Variants in APOOL observed in about 807,000 individuals in gnomAD.
APOOL encodes the protein apolipoprotein O like, also known as MICOS complex subunit MIC27.
In APOOL, 12 loss-of-function variants were observed where a neutral mutation model predicts 23.1. The ratio of observed to expected loss-of-function variants is 0.52; its 90% confidence interval spans 0.33 to 0.84. The LOEUF is 0.84. APOOL is among the 40% of genes least tolerant of loss of function. The pLI, the probability that APOOL is intolerant of heterozygous loss-of-function variation, is 0.02. For synonymous variants in APOOL, 77 were observed against 69.9 expected (o/e 1.10, Z -0.51); for missense variants, 212 against 199.6 (o/e 1.06, Z -0.37).
At chrX:85,058,683 C>A (rs1295203619) in intron 5 of APOOL, among the ~76,000 whole-genome samples, 1 of 111,289 alleles carries the variant, frequency 9.0e-6, no homozygotes, top group Non-Finnish European at 1.9e-5. Context: ...TAATTTACAT[C>A]CCCACCAACA....
intron 2 of APOOL, among the ~76,000 whole-genome samples, chrX:85,051,009 AATATTTCTT>A (rs1426221486): frequency 9.0e-6 from 1 of 111,107 alleles, no homozygotes; most frequent in Non-Finnish European, 1.9e-5. Flanking sequence ...CCTAATTTCT[AATATTTCTT>A]TGTACGAATA....
At chrX:85,037,838 C>T (rs1167094748) in intron 1 of APOOL, among the ~76,000 whole-genome samples, 3 of 111,371 alleles carry the variant, frequency 2.7e-5, no homozygotes, top group African/African-American at 9.8e-5. Flanking sequence ...CAAGATTGAT[C>T]AAAGCCTTAA....
chrX:85,028,204 G>A (rs190320165), intron 1 of APOOL, among the ~76,000 whole-genome samples: 13 of 111,208 alleles, frequency 1.2e-4, no homozygotes, highest in African/African-American at 3.9e-4. Flanking sequence ...GCAGGCATGT[G>A]TTCCTTCTGG....
Position 85,055,829 on chromosome X carries a change from G to C in APOOL, c.298G>C (p.Ala100Pro), listed in dbSNP as rs765119431. Reference sequence around the variant, plus strand: ...TAATTTTTAACTGATTTCTTGAGATGCTTATGTCTATCTGAAGAATCCTCC... The same window carrying C: ...TAATTTTTAACTGATTTCTTGAGATCCTTATGTCTATCTGAAGAATCCTCC... The part of the protein sequence containing the change: ...IMDTVQFGKD[A>P]YVYLKNPPRD... The change falls in exon 5 of 9, where the codon GCT (alanine) becomes CCT (proline). Residue 100 changes from alanine to proline, a missense_variant and splice_region_variant. Transcript: ENST00000373173. 1.2e-5 allele frequency: 14 copies of C among 1,181,224 alleles called. No homozygotes were observed. Among genetic ancestry groups the C allele is most frequent in the African/African-American group, 1.8e-5 (1 of 56,326 alleles).
At chrX:85,064,424 C>G (rs776829494) in intron 5 of APOOL, among the ~76,000 whole-genome samples, 1 of 103,156 alleles carries the variant, frequency 9.7e-6, no homozygotes, top group African/African-American at 3.6e-5. Flanking sequence ...TCTGCTAGGT[C>G]TGCGGTTTGT....
At chrX:85,078,131 T>C (rs1314932970) in intron 8 of APOOL, among the ~76,000 whole-genome samples, 15 of 112,118 alleles carry the variant, frequency 1.3e-4, no homozygotes, top group Non-Finnish European at 2.8e-4. Flanking sequence ...TTGTTGCCAT[T>C]GCTTTTGGTG....
chrX:85,091,266 A>G lies in APOOL; in HGVS notation c.*3588A>G, dbSNP rs966488142. 1 of 112,310 alleles carries G rather than the reference A, an allele frequency of 8.9e-6. No homozygotes were observed. The highest frequency in any genetic ancestry group is 1.9e-5 in the Non-Finnish European group (1 of 53,298). 9.3% of individuals were successfully genotyped at this position (112,310 alleles called of 1,213,427 possible). ...CTCAGTCTCAAAAAATAAATAATAA[A>G]AAATAAAGGTATATAATATGTCTTA... On this transcript the variant is annotated 3_prime_UTR_variant, in exon 9 of 9. Transcript: ENST00000373173.
intron 5 of APOOL, among the ~76,000 whole-genome samples, chrX:85,058,018 G>A (rs1323393361): frequency 9.0e-6 from 1 of 110,939 alleles, no homozygotes; most frequent in African/African-American, 3.3e-5. Flanking sequence ...TAACCTATTA[G>A]TAGGTAGTGA....
At chrX:85,079,887 C>T (rs61176723) in intron 8 of APOOL, among the ~76,000 whole-genome samples, 75 of 111,436 alleles carry the variant, frequency 6.7e-4, no homozygotes, top group African/African-American at 2.4e-3. Flanking sequence ...TAGAGGTGTT[C>T]ATAGTATTCT....
chrX:85,067,116 G>A lies in APOOL; in HGVS notation c.395-11G>A. 9.1e-7 allele frequency: 1 copy of A among 1,094,720 alleles called. No homozygotes were observed. Among genetic ancestry groups the A allele is most frequent in the Non-Finnish European group, 1.2e-6 (1 of 810,997 alleles). 90.2% of individuals were successfully genotyped at this position (1,094,720 alleles called of 1,213,427 possible). On this transcript the variant is annotated splice_polypyrimidine_tract_variant and intron_variant, in intron 5 of 8. Coordinates refer to ENST00000373173, the MANE Select transcript of APOOL (RefSeq NM_198450.6). ...ATATTTGGAGTTTAATAATATATTT[G>A]CATTTTATAGGTTCCAAGTTTAAGA...
intron 1 of APOOL, among the ~76,000 whole-genome samples, chrX:85,021,097 C>T (rs1483120932): frequency 8.9e-6 from 1 of 112,324 alleles, no homozygotes; most frequent in African/African-American, 3.2e-5. Context: ...CTCAGAGACA[C>T]AGGCTCTAGG....
chrX:85,088,385 G>T lies in APOOL; in HGVS notation c.*707G>T, dbSNP rs1287257890. ...CTGGAATAAAATATCCATGTTTTAT[G>T]GGACTTGAGCTTGGCTTTGTCCCTT... On this transcript the variant is annotated 3_prime_UTR_variant, in exon 9 of 9. Coordinates refer to ENST00000373173, the MANE Select transcript of APOOL (RefSeq NM_198450.6). 1.4e-5 allele frequency: 1 copy of T among 69,459 alleles called. No homozygotes were observed. The highest frequency in any genetic ancestry group is 2.4e-5 in the Non-Finnish European group (1 of 41,052). 5.7% of individuals were successfully genotyped at this position (69,459 alleles called of 1,213,427 possible).
chrX:85,059,692 G>C lies in APOOL; in HGVS notation c.394+3767G>C, dbSNP rs1337287877. On this transcript the variant is annotated intron_variant, in intron 5 of 8. Coordinates refer to ENST00000373173, the MANE Select transcript of APOOL (RefSeq NM_198450.6). ...AAATGTCTTCTTTTGAGAAGTGTCT[G>C]TTCATATCCTTTGCCCACTTTTTGA... Among the ~76,000 whole-genome samples the C allele has an allele frequency of 6.4e-5, 7 of 110,208 alleles. No individual in the cohort carries two copies. In the South Asian group the frequency reaches 1.6e-3, roughly 24 times the overall value.
intron 8 of APOOL, among the ~76,000 whole-genome samples, chrX:85,079,236 A>G (rs921396228): frequency 1.8e-5 from 2 of 111,563 alleles, no homozygotes; most frequent in Non-Finnish European, 3.8e-5. Flanking sequence ...TTTGTCATAA[A>G]TAGCTTTTAT....
intron 1 of APOOL, among the ~76,000 whole-genome samples, chrX:85,009,512 CTT>C (rs1387100294): frequency 1.8e-5 from 2 of 111,759 alleles, no homozygotes; most frequent in African/African-American, 3.2e-5. Flanking sequence ...TTGTTTTTGT[CTT>C]TCATTCTATT....
chrX:85,040,934 T>G (rs1018463551), intron 1 of APOOL, among the ~76,000 whole-genome samples: 1 of 112,050 alleles, frequency 8.9e-6, no homozygotes, highest in African/African-American at 3.2e-5. Context: ...GGTAGTGCTG[T>G]TGTTTGGAGG....
intron 1 of APOOL, among the ~76,000 whole-genome samples, chrX:85,006,154 GAGCTAAAGAGATA>G (rs1569451976): frequency 1.8e-5 from 2 of 111,829 alleles, no homozygotes; most frequent in Admixed American, 9.5e-5. Flanking sequence ...GAGCTGAAGT[GAGCTAAAGAGATA>G]AATAGAGTGG....
intron 6 of APOOL, among the ~76,000 whole-genome samples, 184 bp from the exon 7 acceptor site, chrX:85,073,814 C>A (rs943498174): frequency 9.0e-6 from 1 of 111,344 alleles, no homozygotes; most frequent in Admixed American, 9.6e-5. Context: ...ATAACCTTTG[C>A]ATGACACAAA....
intron 1 of APOOL, among the ~76,000 whole-genome samples, chrX:85,013,018 C>T (rs753502391): frequency 4.5e-5 from 5 of 111,288 alleles, no homozygotes; most frequent in East Asian, 5.6e-4. Context: ...GTTTCGATTT[C>T]GCTATTGGTC....
Sources: allele counts gnomAD v4.1 joint callset (sites outside exome capture counted in the v4.1 genomes callset), GRCh38; gene constraint gnomAD v4.1.1; transcripts MANE v1.5; gene names NCBI Gene and HGNC (gene_info 2026-07-23, HGNC 2026-07-21).